The following ARHGAP15 variants were observed in gnomAD, a reference collection of about 807,000 sequenced individuals.
ARHGAP15 encodes Rho GTPase activating protein 15.
ARHGAP15 carries 51 observed loss-of-function variants against 63.7 expected under a neutral mutation model. The observed-to-expected ratio is 0.80, with a 90% CI of 0.64 to 1.01. The LOEUF (loss-of-function observed/expected upper bound fraction) is 1.01, where lower values mean the gene tolerates loss of function less well. ARHGAP15 is among the 50% of genes least tolerant of loss of function. ARHGAP15 has a pLI of 0.00. For missense variants in ARHGAP15, 560 were observed against 564.6 expected (o/e 0.99, Z 0.08); for synonymous variants, 191 against 193.8 (o/e 0.99, Z 0.12).
chr2:143,521,530 T>C (rs1486649225), intron 10 of ARHGAP15, among the ~76,000 whole-genome samples: 2 of 152,158 alleles, frequency 1.3e-5, no homozygotes, highest in Non-Finnish European at 2.9e-5. Flanking sequence ...GGGTTGGTAT[T>C]AGGAAGTAGC....
intron 6 of ARHGAP15, among the ~76,000 whole-genome samples, chr2:143,355,305 C>A (rs1254835984): frequency 6.6e-6 from 1 of 152,078 alleles, no homozygotes; most frequent in Non-Finnish European, 1.5e-5. Flanking sequence ...ACAGCCTAGA[C>A]TTTCGGTTAA....
At chr2:143,737,945 C>T (rs889010490) in intron 13 of ARHGAP15, among the ~76,000 whole-genome samples, 2 of 151,784 alleles carry the variant, frequency 1.3e-5, no homozygotes, top group Admixed American at 6.6e-5. Context: ...TTTAATAGAG[C>T]CGGGGTTTCA....
At chr2:143,423,569 G>A (rs755589936) in intron 6 of ARHGAP15, among the ~76,000 whole-genome samples, 3 of 152,062 alleles carry the variant, frequency 2.0e-5, no homozygotes, top group Non-Finnish European at 4.4e-5. Context: ...CCATTATGAA[G>A]TTAGTACAAA....
rs535652395 is a variant in ARHGAP15, at chr2:143,581,159, G to A, written c.1003+24674G>A. Among the ~76,000 whole-genome samples, 74 of 152,184 alleles carry A rather than the reference G, an allele frequency of 4.9e-4. 1 individual carries two copies. The Middle Eastern group carries it at 0.01, about 21-fold the overall frequency. On this transcript the variant is annotated intron_variant, in intron 11 of 13. Coordinates refer to ENST00000295095, the MANE Select transcript of ARHGAP15 (RefSeq NM_018460.4). ...ACCGTCCATGTTTTCAGGCATACTC[G>A]ATGGACTAATTAGCTCCACAAAAAG...
intron 11 of ARHGAP15, among the ~76,000 whole-genome samples, chr2:143,619,510 G>A (rs557975341): frequency 1.3e-5 from 2 of 152,298 alleles, no homozygotes; most frequent in South Asian, 4.1e-4. Flanking sequence ...AGAGGGCCAG[G>A]AGAAACCAGC....
intron 8 of ARHGAP15, among the ~76,000 whole-genome samples, chr2:143,479,891 T>G (rs115821943): frequency 6.6e-6 from 1 of 151,400 alleles, no homozygotes; most frequent in African/African-American, 2.4e-5. Context: ...AAAAAGTCAT[T>G]AAACTCTGGC....
chr2:143,755,176 C>T (rs1686526827), intron 13 of ARHGAP15, among the ~76,000 whole-genome samples: 1 of 152,002 alleles, frequency 6.6e-6, no homozygotes, highest in African/African-American at 2.4e-5. Flanking sequence ...CTCAAACATC[C>T]TGCCTGAATA....
At chr2:143,256,732 C>T (rs968785612) in intron 6 of ARHGAP15, among the ~76,000 whole-genome samples, 2 of 151,974 alleles carry the variant, frequency 1.3e-5, no homozygotes, top group Non-Finnish European at 2.9e-5. Context: ...TGCGGTCACA[C>T]AGATTTTGCA....
At chr2:143,498,406 T>C (rs1272827477) in intron 9 of ARHGAP15, among the ~76,000 whole-genome samples, 3 of 152,234 alleles carry the variant, frequency 2.0e-5, no homozygotes, top group Non-Finnish European at 4.4e-5. Flanking sequence ...ATTGGTGGTC[T>C]GTCAGTATTA....
chr2:143,660,837 A>G (rs1681728562), intron 12 of ARHGAP15, among the ~76,000 whole-genome samples: 1 of 152,236 alleles, frequency 6.6e-6, no homozygotes, highest in Admixed American at 6.5e-5. Context: ...TCCTCATTGT[A>G]TCTCATCCCA....
At chr2:143,618,812 C>A (rs892445515) in intron 11 of ARHGAP15, among the ~76,000 whole-genome samples, 1 of 149,512 alleles carries the variant, frequency 6.7e-6, no homozygotes, top group Non-Finnish European at 1.5e-5. Flanking sequence ...ATATATAATA[C>A]AAGAGGAAAG....
intron 6 of ARHGAP15, among the ~76,000 whole-genome samples, chr2:143,288,117 C>T (rs1195442194): frequency 6.6e-6 from 1 of 152,172 alleles, no homozygotes; most frequent in Non-Finnish European, 1.5e-5. Context: ...AGTGCAAGCC[C>T]ATATGGGAAA....
chr2:143,520,495 A>G (rs1264568964), intron 10 of ARHGAP15, among the ~76,000 whole-genome samples: 1 of 152,130 alleles, frequency 6.6e-6, no homozygotes, highest in Non-Finnish European at 1.5e-5. Flanking sequence ...GGGAAAGCAT[A>G]TCAACACATC....
intron 10 of ARHGAP15, among the ~76,000 whole-genome samples, chr2:143,542,726 C>A (rs1278034333): frequency 9.3e-6 from 1 of 107,182 alleles, no homozygotes; most frequent in Non-Finnish European, 1.9e-5. Context: ...TATATAATAT[C>A]ACATATATAA....
chr2:143,255,680 G>T (rs1212579144), intron 6 of ARHGAP15, among the ~76,000 whole-genome samples: 1 of 151,984 alleles, frequency 6.6e-6, no homozygotes, highest in East Asian at 1.9e-4. Flanking sequence ...ATTTCCTTGT[G>T]TTACAAGTGG....
At chr2:143,543,374 CA>C (rs1695188099) in intron 10 of ARHGAP15, among the ~76,000 whole-genome samples, 1 of 152,004 alleles carries the variant, frequency 6.6e-6, no homozygotes, top group South Asian at 2.1e-4. Context: ...GTTTTTTGCT[CA>C]TTTTTAACTT....
chr2:143,726,155 TATTG>T (rs1685267671), intron 13 of ARHGAP15, among the ~76,000 whole-genome samples: 1 of 152,154 alleles, frequency 6.6e-6, no homozygotes, highest in Non-Finnish European at 1.5e-5. Context: ...TGTGACAGGG[TATTG>T]GCCATTTTCA....
chr2:143,636,665 A>C (rs1230101977), intron 12 of ARHGAP15, among the ~76,000 whole-genome samples: 1 of 152,100 alleles, frequency 6.6e-6, no homozygotes, highest in Non-Finnish European at 1.5e-5. Flanking sequence ...AAAACACTTA[A>C]AGTGTAACCC....
At chr2:143,241,186 A>G (rs1170538598) in intron 5 of ARHGAP15, among the ~76,000 whole-genome samples, 1 of 152,198 alleles carries the variant, frequency 6.6e-6, no homozygotes, top group Non-Finnish European at 1.5e-5. Context: ...CTAAATTGAA[A>G]TGCTCTGAGA....
Sources: allele counts gnomAD v4.1 joint callset (sites outside exome capture counted in the v4.1 genomes callset), GRCh38; gene constraint gnomAD v4.1.1; transcripts MANE v1.5; gene names NCBI Gene and HGNC (gene_info 2026-07-23, HGNC 2026-07-21).